CCN6: variants seen among roughly 807,000 people sequenced by gnomAD.
CCN6 encodes CCN family member 6.
Under a neutral mutation model 37.4 loss-of-function variants are expected in CCN6, and 31 were observed. That is an observed-to-expected ratio of 0.83 (90% CI 0.62 to 1.12). The LOEUF is 1.12. Ranked by LOEUF, CCN6 falls within the 50% of genes most tolerant of loss-of-function variation. The pLI is 0.00. For synonymous variants in CCN6, 137 were observed against 142.1 expected (o/e 0.96, Z 0.26); for missense variants, 369 against 413.8 (o/e 0.89, Z 0.94).
At chr6:112,059,911 C>T (rs1051420039) in intron 1 of CCN6, 38 of 1,292,850 alleles carry the variant, frequency 2.9e-5, no homozygotes, top group Middle Eastern at 4.3e-4. Flanking sequence ...GTAAACTCTA[C>T]GGTGAAAGGA....
intron 3 of CCN6, among the ~76,000 whole-genome samples, chr6:112,065,825 C>T (rs1301627464): frequency 5.9e-5 from 9 of 152,098 alleles, no homozygotes; most frequent in Non-Finnish European, 1.3e-4. Context: ...ATTTAAGCAT[C>T]AGCATATTTT....
rs1776276583 is a variant in CCN6 at position 112,054,234 on chromosome 6, G to C, written c.-124G>C. 1.5e-6 allele frequency: 2 copies of C among 1,294,962 alleles called. No individual in the cohort carries two copies. Among genetic ancestry groups the C allele is most frequent in the Middle Eastern group, 1.8e-4 (1 of 5,504 alleles). 80.2% of individuals were successfully genotyped at this position (1,294,962 alleles called of 1,614,324 possible). On this transcript the variant is annotated 5_prime_UTR_variant, in exon 1 of 5. Transcript: ENST00000368666. ...AAAGTTGGTAGTGTGGGAGGTAGAGGGTGTGTGTTCTTGTGCAGAGGAGCG... is the reference window on the plus strand; with the variant it reads ...AAAGTTGGTAGTGTGGGAGGTAGAGCGTGTGTGTTCTTGTGCAGAGGAGCG...
chr6:112,053,106 G>A (rs587710363), upstream of CCN6, among the ~76,000 whole-genome samples: 118 of 152,128 alleles, frequency 7.8e-4, no homozygotes, highest in African/African-American at 2.6e-3. Flanking sequence ...CAGGTGGGAC[G>A]CCTCAGGGAC....
chr6:112,056,820 A>G (rs587675106), intron 1 of CCN6, among the ~76,000 whole-genome samples: 29 of 152,064 alleles, frequency 1.9e-4, no homozygotes, highest in Admixed American at 1.9e-3. Flanking sequence ...TTTTTGAAAG[A>G]TGGTTTCACT....
At chr6:112,065,597 CACAA>C (rs1316997527) in intron 3 of CCN6, among the ~76,000 whole-genome samples, 17 of 82,012 alleles carry the variant, frequency 2.1e-4, no homozygotes, top group Admixed American at 7.2e-4. Flanking sequence ...CGCACACACA[CACAA>C]ACACACACGC....
chr6:112,060,736 A>C (rs1554312617), intron 1 of CCN6, among the ~76,000 whole-genome samples: 3 of 152,100 alleles, frequency 2.0e-5, no homozygotes, highest in Non-Finnish European at 4.4e-5. Flanking sequence ...GAAACTGACA[A>C]AGGAGAGTGA....
intron 2 of CCN6, among the ~76,000 whole-genome samples, chr6:112,064,401 T>G (rs933866791): frequency 6.6e-6 from 1 of 152,240 alleles, no homozygotes; most frequent in African/African-American, 2.4e-5. Context: ...CCTGTCTTCC[T>G]AAGACTATAT....
At chr6:112,053,871 G>A (rs1164657254), upstream of CCN6, among the ~76,000 whole-genome samples, 3 of 148,068 alleles carry the variant, frequency 2.0e-5, no homozygotes, top group Non-Finnish European at 4.5e-5. Context: ...TTGGTGGGGG[G>A]GCCAGGCCTG....
chr6:112,060,943 A>G (rs983181238), intron 1 of CCN6, 48 bp from the exon 2 acceptor site: 8 of 1,608,384 alleles, frequency 5.0e-6, no homozygotes, highest in Admixed American at 1.7e-5. Flanking sequence ...CTGTTATACT[A>G]TTACATAGAG....
chr6:112,054,239 G>A lies in CCN6; in HGVS notation c.-119G>A, dbSNP rs1364932840. ...TGGTAGTGTGGGAGGTAGAGGGTGT[G>A]TGTTCTTGTGCAGAGGAGCGTGGGG... is the stretch of plus-strand genomic sequence containing the variant. On this transcript the variant is annotated 5_prime_UTR_variant, in exon 1 of 5. In the 5' UTR this introduces an upstream ATG that the reference lacks. Coordinates refer to ENST00000368666, the MANE Select transcript of CCN6 (RefSeq NM_198239.2). 22 of 1,363,844 alleles carry A rather than the reference G, an allele frequency of 1.6e-5. No homozygotes were observed. The highest frequency in any genetic ancestry group is 3.5e-4 in the Middle Eastern group (2 of 5,652). The allele number at this position is 1,363,844 out of a possible 1,614,324, so 84.5% of individuals were successfully genotyped here.
chr6:112,068,378 A>G lies in CCN6; in HGVS notation c.763A>G (p.Asn255Asp). 1 of 1,612,500 alleles carries G rather than the reference A, an allele frequency of 6.2e-7. No individual in the cohort carries two copies. Among genetic ancestry groups the G allele is most frequent in the South Asian group, 1.1e-5 (1 of 90,844 alleles). Residue 255 changes from asparagine (N) to aspartate (D), a missense_variant, in exon 4 of 5, where the codon AAT becomes GAT. By Grantham distance (23) the Asn-to-Asp change is conservative. Coordinates refer to ENST00000368666, the MANE Select transcript of CCN6 (RefSeq NM_198239.2). ...GTGTTACATTCAGCCTTGCGACAGC[A>G]ATATATTAAAGACAATAAAGGTAAA... ...RLCYIQPCDS[N>D]ILKTIKIPKG...
chr6:112,058,468 A>AC (rs1562593928), intron 1 of CCN6, among the ~76,000 whole-genome samples: 3 of 152,230 alleles, frequency 2.0e-5, no homozygotes, highest in Admixed American at 2.0e-4. Flanking sequence ...CTGGTGGTAT[A>AC]CTCACAAACA....
At chr6:112,067,973 A>G (rs587774302) in intron 3 of CCN6, among the ~76,000 whole-genome samples, 1 of 152,232 alleles carries the variant, frequency 6.6e-6, no homozygotes, top group South Asian at 2.1e-4. Flanking sequence ...TTTCAAAGAT[A>G]AAGTATTTTT....
At chr6:112,063,091 C>T (rs1554313176) in intron 2 of CCN6, among the ~76,000 whole-genome samples, 1 of 152,136 alleles carries the variant, frequency 6.6e-6, no homozygotes, top group African/African-American at 2.4e-5. Flanking sequence ...TTTTGCAAAT[C>T]TCTCTAGTGT....
In CCN6 at chr6:112,069,464, A is replaced by T; in HGVS notation, c.909A>T (p.Arg303Ser). Residue 303 changes from arginine (R) to serine (S), a missense_variant, in exon 5 of 5, where the codon AGA becomes AGT. Transcript: ENST00000368666. ...TTTGTGGAATATGCTTGGATAAGAG[A>T]TGCTGTATCCCTAATAAGTCTAAAA... The part of the protein sequence containing the change: ...PTFCGICLDK[R>S]CCIPNKSKMI... 6.2e-7 allele frequency: 1 copy of T among 1,613,768 alleles called. No individual in the cohort carries two copies. Among genetic ancestry groups the T allele is most frequent in the Admixed American group, 1.7e-5 (1 of 60,006 alleles).
intron 1 of CCN6, chr6:112,060,214 A>G: frequency 1.7e-6 from 2 of 1,210,616 alleles, no homozygotes; most frequent in Middle Eastern, 3.6e-4. Flanking sequence ...ATGAGCAAAG[A>G]GTGATATGAA....
At chr6:112,056,247 T>C (rs1398866871) in intron 1 of CCN6, among the ~76,000 whole-genome samples, 2 of 152,230 alleles carry the variant, frequency 1.3e-5, no homozygotes, top group Non-Finnish European at 2.9e-5. Flanking sequence ...TCCTTTAGTA[T>C]TTCTTGTGAG....
At chr6:112,063,405 T>C (rs1776584376) in intron 2 of CCN6, among the ~76,000 whole-genome samples, 1 of 152,230 alleles carries the variant, frequency 6.6e-6, no homozygotes, top group Non-Finnish European at 1.5e-5. Flanking sequence ...CCAAGACCCA[T>C]TTGGAATAGA....
Position 112,065,016 on chromosome 6 carries a change from A to G in CCN6, c.589+19A>G, listed in dbSNP as rs906984722. 6 of 1,613,620 alleles carry G rather than the reference A, an allele frequency of 3.7e-6. No individual in the cohort carries two copies. The highest frequency in any genetic ancestry group is 3.3e-5 in the Admixed American group (2 of 59,974). On this transcript the variant is annotated intron_variant, in intron 3 of 4. Transcript: ENST00000368666. The stretch of plus-strand genomic sequence containing the variant: ...ATGCCAGGTGCTCAGAAGTAGAGCT[A>G]TTTTTCACGTATGACCTTGGTGGTA...
Sources: gnomAD v4.1 joint callset for allele counts (sites outside exome capture counted in the v4.1 genomes callset) on GRCh38, gnomAD v4.1.1 for gene constraint, MANE v1.5 for transcripts, NCBI Gene and HGNC (gene_info 2026-07-23, HGNC 2026-07-21) for gene names.